The following SORCS2 variants were observed in gnomAD, a reference collection of about 807,000 sequenced individuals.
SORCS2 encodes the protein sortilin related VPS10 domain containing receptor 2, also known as VPS10 domain-containing receptor SorCS2.
A neutral mutation model predicts 141.6 loss-of-function variants in SORCS2; 100 were observed. The observed-to-expected ratio is 0.71, with a 90% CI of 0.60 to 0.83. The LOEUF is 0.83. SORCS2 is among the 40% of genes least tolerant of loss of function. The pLI, the probability that SORCS2 is intolerant of heterozygous loss-of-function variation, is 0.00. For synonymous variants in SORCS2, 789 were observed against 676.9 expected, an observed-to-expected ratio of 1.17 and a Z score of -2.57; for missense variants, 1,646 against 1,560.2, an observed-to-expected ratio of 1.05 and a Z score of -0.93.
intron 7 of SORCS2, among the ~76,000 whole-genome samples, chr4:7,665,412 C>T (rs151312156): frequency 3.5e-4 from 53 of 152,358 alleles, no homozygotes; most frequent in African/African-American, 1.3e-3. Flanking sequence ...TGCTGAGCCC[C>T]AGCCCCTGGC....
chr4:7,400,802 G>A (rs1724530989), intron 2 of SORCS2, among the ~76,000 whole-genome samples: 1 of 107,798 alleles, frequency 9.3e-6, no homozygotes, highest in South Asian at 3.7e-4. Flanking sequence ...TGAATGGATT[G>A]ATAGATGGAT....
chr4:7,716,632 TCCATCTAC>T (rs1726210422), intron 17 of SORCS2, among the ~76,000 whole-genome samples: 5 of 151,194 alleles, frequency 3.3e-5, no homozygotes, highest in Non-Finnish European at 7.4e-5. Flanking sequence ...TGTCCATCCA[TCCATCTAC>T]CCATCCATCT....
Position 7,288,008 on chromosome 4 carries a change from T to G in SORCS2, c.480+94882T>G, listed in dbSNP as rs901493986. Among the ~76,000 whole-genome samples the G allele has an allele frequency of 1.4e-4, 21 of 152,232 alleles. 1 individual carries two copies. The highest frequency in any genetic ancestry group is 1.1e-3 in the Admixed American group (17 of 15,292). On this transcript the variant is annotated intron_variant, in intron 1 of 26. Transcript: ENST00000507866. ...GGATGGGAGAGCCCGTTGCTGGCGT[T>G]GCTGTCCCCGCCGTCGATGGCAGGA... is the stretch of plus-strand genomic sequence containing the variant.
At chr4:7,456,479 A>AG (rs372669953) in intron 2 of SORCS2, among the ~76,000 whole-genome samples, 8,894 of 148,878 alleles carry the variant, frequency 0.06, 727 homozygotes, top group African/African-American at 0.19. Context: ...GAAGGGTGAG[A>AG]GGGGGGGGGC....
chr4:7,661,279 C>T (rs59782593), intron 5 of SORCS2, among the ~76,000 whole-genome samples: 2,509 of 106,056 alleles, frequency 0.024, 35 homozygotes, highest in Middle Eastern at 0.031. Flanking sequence ...TCAAGGAAAA[C>T]GCAGAGACTC....
intron 11 of SORCS2, among the ~76,000 whole-genome samples, chr4:7,694,605 A>T (rs1724478902): frequency 1.3e-5 from 2 of 152,236 alleles, no homozygotes; most frequent in Non-Finnish European, 1.5e-5. Context: ...CGTGTGTCCC[A>T]GAGTGGCTGC....
At chr4:7,718,766 G>A (rs896511138) in intron 18 of SORCS2, among the ~76,000 whole-genome samples, 3 of 152,150 alleles carry the variant, frequency 2.0e-5, no homozygotes, top group African/African-American at 7.2e-5. Context: ...TAAAAATAAT[G>A]AATGTTCATT....
chr4:7,478,148 G>A (rs1020870377), intron 2 of SORCS2, among the ~76,000 whole-genome samples: 2 of 152,178 alleles, frequency 1.3e-5, no homozygotes, highest in Non-Finnish European at 2.9e-5. Flanking sequence ...CACCCATAAC[G>A]GGAGCCATTT....
chr4:7,591,685 G>T (rs1716922989), intron 3 of SORCS2, among the ~76,000 whole-genome samples: 1 of 152,202 alleles, frequency 6.6e-6, no homozygotes, highest in Admixed American at 6.5e-5. Context: ...TGTTAGCTCT[G>T]AAGAAAACCC....
rs543817928 is a variant in SORCS2, at chr4:7,368,117, C to T, written c.481-28171C>T. On this transcript the variant is annotated intron_variant, in intron 1 of 26. Transcript: ENST00000507866. ...CCCCTGTTCACGTGTGGTGGTGAGG[C>T]GGGTGGTGGTGCTGGGTTGATGAAT... Among the ~76,000 whole-genome samples, 11 of 152,276 alleles carry T rather than the reference C, an allele frequency of 7.2e-5. 1 individual carries two copies. In the South Asian group the frequency reaches 1.5e-3, roughly 20 times the overall value.
intron 4 of SORCS2, among the ~76,000 whole-genome samples, chr4:7,639,244 G>A (rs962141766): frequency 2.6e-5 from 4 of 152,216 alleles, no homozygotes; most frequent in Non-Finnish European, 4.4e-5. Context: ...CAAAACCAGC[G>A]AAGATCAAAG....
At chr4:7,667,063 A>G in intron 7 of SORCS2, 61 bp from the exon 8 acceptor site, 1 of 1,437,268 alleles carries the variant, frequency 7.0e-7, no homozygotes, top group South Asian at 1.2e-5. Context: ...TTTTTCATTC[A>G]TGAGACTGTG....
intron 1 of SORCS2, among the ~76,000 whole-genome samples, chr4:7,267,138 G>C (rs548307671): frequency 1.3e-5 from 2 of 150,538 alleles, no homozygotes; most frequent in South Asian, 4.2e-4. Context: ...TTCTAATTCA[G>C]CGGAAACACT....
chr4:7,592,995 T>C (rs1717019574), intron 3 of SORCS2, among the ~76,000 whole-genome samples: 1 of 152,164 alleles, frequency 6.6e-6, no homozygotes, highest in Admixed American at 6.5e-5. Context: ...CCCTACTGGC[T>C]TGAAACACCA....
chr4:7,385,981 G>A (rs565380496), intron 1 of SORCS2, among the ~76,000 whole-genome samples: 1 of 152,316 alleles, frequency 6.6e-6, no homozygotes, highest in South Asian at 2.1e-4. Context: ...ATGTTTTGGA[G>A]GCCAGAAAGG....
chr4:7,680,114 A>T (rs1440307754), intron 9 of SORCS2, among the ~76,000 whole-genome samples: 1 of 152,174 alleles, frequency 6.6e-6, no homozygotes, highest in Admixed American at 6.5e-5. Flanking sequence ...TGTAAGACAC[A>T]AAGACTTGCG....
At chr4:7,452,039 G>C (rs954575953) in intron 2 of SORCS2, among the ~76,000 whole-genome samples, 3 of 152,086 alleles carry the variant, frequency 2.0e-5, no homozygotes, top group African/African-American at 7.2e-5. Flanking sequence ...GGCTCCTCCT[G>C]CTCTGCACAG....
intron 3 of SORCS2, among the ~76,000 whole-genome samples, chr4:7,569,891 T>C (rs1715272273): frequency 6.6e-6 from 1 of 152,196 alleles, no homozygotes; most frequent in African/African-American, 2.4e-5. Context: ...ATGTGGCCTC[T>C]CCGGAACTTC....
At chr4:7,541,654 C>A (rs182758563) in intron 3 of SORCS2, among the ~76,000 whole-genome samples, 108 of 152,334 alleles carry the variant, frequency 7.1e-4, no homozygotes, top group African/African-American at 2.5e-3. Flanking sequence ...GACATCAGAA[C>A]CATCTGCGGA....
Sources: gnomAD v4.1 joint callset for allele counts (sites outside exome capture counted in the v4.1 genomes callset) on GRCh38, gnomAD v4.1.1 for gene constraint, MANE v1.5 for transcripts, NCBI Gene and HGNC (gene_info 2026-07-23, HGNC 2026-07-21) for gene names.